The following MPP3 variants were observed in gnomAD, a reference collection of about 807,000 sequenced individuals.
The protein encoded by MPP3 is MAGUK p55 scaffold protein 3.
A neutral mutation model predicts 80.7 loss-of-function variants in MPP3; 48 were observed. That is an observed-to-expected ratio of 0.59 (90% CI 0.47 to 0.76). The LOEUF (loss-of-function observed/expected upper bound fraction) is 0.76. Ranked by LOEUF, MPP3 falls within the 30% of genes least tolerant of loss-of-function variation. The pLI is 0.00. For missense variants in MPP3, 620 were observed against 763.0 expected (o/e 0.81, Z 2.21); for synonymous variants, 311 against 297.6 (o/e 1.04, Z -0.46).
chr17:43,824,120 C>G, intron 9 of MPP3, 115 bp from the exon 10 acceptor site: 1 of 668,108 alleles, frequency 1.5e-6, no homozygotes, highest in Non-Finnish European at 2.5e-6. Flanking sequence ...TGCAGCCTCC[C>G]CTGAGGCCCA....
At position 43,827,811 on chromosome 17, in the gene MPP3, C is replaced by T. The variant is rs780168705; in HGVS notation, c.463G>A (p.Glu155Lys). The T allele has an allele frequency of 5.6e-6, 9 of 1,613,096 alleles. No individual in the cohort carries two copies. The highest frequency in any genetic ancestry group is 1.3e-5 in the African/African-American group (1 of 74,910). ...GCCACCACAACAGCCCCTGAGTGCT[C>T]GTCCCGCCGGATGGTGGCACCCTGA... ...EPLGATIRRD[E>K]HSGAVVVARI... The change falls in exon 8 of 20, where the codon GAG becomes AAG. Residue 155 changes from glutamate to lysine, a missense_variant. Transcript: ENST00000398389.
chr17:43,830,036 C>G lies in MPP3; in HGVS notation c.294G>C (p.Pro98=). The change falls in exon 6 of 20, where the codon CCG becomes CCC. Residue 98 remains proline (P), a synonymous_variant. Coordinates refer to ENST00000398389, the MANE Select transcript of MPP3 (RefSeq NM_001932.6). ...ERELLQLLST[P]HLRAVLMVHD... ...GGCTCTGTGTGACTACCCTCAGGTG[C>G]GGGGTGGACAGCAGCTGGAGCAGCT... The G allele has an allele frequency of 6.3e-7, 1 of 1,598,592 alleles. No individual in the cohort carries two copies. The highest frequency in any genetic ancestry group is 8.5e-7 in the Non-Finnish European group (1 of 1,174,140).
intron 15 of MPP3, 23 bp downstream of exon 15, chr17:43,814,174 T>C: frequency 6.2e-7 from 1 of 1,610,436 alleles, no homozygotes; most frequent in Non-Finnish European, 8.5e-7. Flanking sequence ...GATCACTTCC[T>C]GGAAACCCAG....
intron 10 of MPP3, among the ~76,000 whole-genome samples, chr17:43,822,694 A>AAAAAAAAAAAAAAAAAAAAAAAAAAAAAT: frequency 6.6e-6 from 1 of 150,880 alleles, no homozygotes; most frequent in African/African-American, 2.4e-5. Context: ...AAAAAAAAAA[A>AAAAAAAAAAAAAAAAAAAAAAAAAAAAAT]GAGCTTATTA....
intron 8 of MPP3, among the ~76,000 whole-genome samples, chr17:43,826,243 A>G (rs1664885773): frequency 6.6e-6 from 1 of 152,236 alleles, no homozygotes; most frequent in African/African-American, 2.4e-5. Context: ...AAGTCTTAAC[A>G]AGGAAAGACA....
Position 43,823,912 on chromosome 17 carries a change from C to G in MPP3, c.684+19G>C. Reference sequence around the variant, plus strand: ...TCTCTCAAGCTGAGAGAGGGCACCGCGGACCCACCTCCCCATACCTTGCTC... The same window carrying G: ...TCTCTCAAGCTGAGAGAGGGCACCGGGGACCCACCTCCCCATACCTTGCTC... On this transcript the variant is annotated intron_variant, in intron 10 of 19. Coordinates refer to ENST00000398389, the MANE Select transcript of MPP3 (RefSeq NM_001932.6). 1 of 1,598,632 alleles carries G rather than the reference C, an allele frequency of 6.3e-7. No individual in the cohort carries two copies. The highest frequency in any genetic ancestry group is 8.5e-7 in the Non-Finnish European group (1 of 1,170,906).
rs558285070 is a variant in MPP3, at chr17:43,814,169, C to A, written c.1174+28G>T. ...CTGCTCCAGGGAGGAAACCAGATCACTTCCTGGAAACCCAGGATGGCACCT... is the reference window on the plus strand; with the variant it reads ...CTGCTCCAGGGAGGAAACCAGATCAATTCCTGGAAACCCAGGATGGCACCT... On this transcript the variant is annotated intron_variant, in intron 15 of 19. Transcript: ENST00000398389. 44 of 1,609,908 alleles carry A rather than the reference C, an allele frequency of 2.7e-5. No homozygotes were observed. In the South Asian group the frequency reaches 4.7e-4, roughly 17 times the overall value.
rs1009605406 is a variant in MPP3, at chr17:43,831,781, G to T, written c.25+101C>A. The T allele has an allele frequency of 2.8e-6, 4 of 1,438,368 alleles. No individual in the cohort carries two copies. The African/African-American group carries it at 5.7e-5, about 21-fold the overall frequency. The allele number at this position is 1,438,368 out of a possible 1,614,324, so 89.1% of individuals were successfully genotyped here. On this transcript the variant is annotated intron_variant, in intron 3 of 19. Transcript: ENST00000398389. ...AAACAGCACTTCAGTCCTGCCGTGA[G>T]GACATTCTCTCCCCAGGCTCTCACT...
rs1197815505 is a variant in MPP3, at chr17:43,801,261, G to C, written c.*440C>G. 6.5e-6 allele frequency: 1 copy of C among 153,466 alleles called. No individual in the cohort carries two copies. The highest frequency in any genetic ancestry group is 2.4e-5 in the African/African-American group (1 of 41,452). The allele number at this position is 153,466 out of a possible 1,614,324, so 9.5% of individuals were successfully genotyped here. A position where few individuals can be genotyped will look rare whatever the true frequency, so the allele number is the denominator to read the frequency against. ...ATCAACGTTTTAGTGCTTGAAGACA[G>C]GGGAACTTCAGTTACATGTAAAATC... On this transcript the variant is annotated 3_prime_UTR_variant, in exon 20 of 20. Transcript: ENST00000398389.
rs754764021 is a variant in MPP3, at chr17:43,820,847, A to T, written c.881+15T>A. 1 of 1,613,452 alleles carries T rather than the reference A, an allele frequency of 6.2e-7. No homozygotes were observed. Among genetic ancestry groups the T allele is most frequent in the Non-Finnish European group, 8.5e-7 (1 of 1,179,676 alleles). On this transcript the variant is annotated intron_variant, in intron 11 of 19. Transcript: ENST00000398389. Reference sequence around the variant, plus strand: ...CACTCTGGAACCAGCCCTTCACAACATACCCCAGACCCACCTCTCCTGGAA... The same window carrying T: ...CACTCTGGAACCAGCCCTTCACAACTTACCCCAGACCCACCTCTCCTGGAA...
intron 11 of MPP3, among the ~76,000 whole-genome samples, chr17:43,820,605 T>TACACACAC (rs61249899): frequency 1.4e-4 from 17 of 125,294 alleles, no homozygotes; most frequent in African/African-American, 4.7e-4. Context: ...AAAAAAAAAA[T>TACACACAC]ACACACACAC....
intron 14 of MPP3, chr17:43,815,580 TGA>T (rs1194623449): frequency 6.7e-6 from 2 of 299,632 alleles, no homozygotes; most frequent in East Asian, 1.3e-4. Context: ...CACTCCAGCG[TGA>T]GAGACAGGGC....
chr17:43,808,439 C>T (rs1426396083), intron 19 of MPP3, among the ~76,000 whole-genome samples: 1 of 152,220 alleles, frequency 6.6e-6, no homozygotes. Flanking sequence ...CTGACATAGA[C>T]TGGGCTGAAC....
intron 16 of MPP3, among the ~76,000 whole-genome samples, chr17:43,812,380 C>A (rs1878666194): frequency 6.6e-6 from 1 of 152,150 alleles, no homozygotes; most frequent in Non-Finnish European, 1.5e-5. Context: ...ACCATGTCAT[C>A]CCCCTGCTTA....
intron 19 of MPP3, 119 bp from the exon 20 acceptor site, chr17:43,801,996 T>A: frequency 3.1e-6 from 3 of 983,498 alleles, no homozygotes; most frequent in Non-Finnish European, 2.9e-6. Context: ...GATGACTAGG[T>A]CCCACTGATA....
Position 43,820,990 on chromosome 17 carries a change from G to C in MPP3, c.753C>G (p.Gly251=). The change falls in exon 11 of 20, where the codon GGC becomes GGG. Residue 251 remains glycine, a synonymous_variant. Coordinates refer to ENST00000398389, the MANE Select transcript of MPP3 (RefSeq NM_001932.6). ...EDRAIPCQEA[G]LPFQRRQVLE... ...GGACCTGCCTGCGCTGGAAGGGCAGGCCCGCCTCCTGGCAAGGGATGGCCC... is the reference window on the plus strand; with the variant it reads ...GGACCTGCCTGCGCTGGAAGGGCAGCCCCGCCTCCTGGCAAGGGATGGCCC... The C allele has an allele frequency of 1.2e-6, 2 of 1,612,780 alleles. No homozygotes were observed. Among genetic ancestry groups the C allele is most frequent in the Non-Finnish European group, 1.7e-6 (2 of 1,179,800 alleles).
chr17:43,831,866 G>A lies in MPP3; in HGVS notation c.25+16C>T, dbSNP rs373567341. On this transcript the variant is annotated intron_variant, in intron 3 of 19. Transcript: ENST00000398389. ...CTTCAGGACTGTGGCAGGTCCAGCC[G>A]GGGGGAGGTACTTACCAGAGTCCTC... 1.0e-4 allele frequency: 167 copies of A among 1,595,624 alleles called. No individual in the cohort carries two copies. In the African/African-American group the frequency reaches 1.7e-3, roughly 16 times the overall value.
At chr17:43,830,206 C>T (rs151211490) in intron 5 of MPP3, 99 bp from the exon 6 acceptor site, 1 of 800,120 alleles carries the variant, frequency 1.2e-6, no homozygotes, top group Non-Finnish European at 1.9e-6. Flanking sequence ...AGCTGCAGCC[C>T]CCAGGGGCAC....
In MPP3 at chr17:43,829,744, G is replaced by A. The variant is rs774942065; in HGVS notation, c.351C>T (p.Pro117=). Residue 117 remains proline, a synonymous_variant, in exon 7 of 20, where the codon CCC becomes CCT. Transcript: ENST00000398389. Reference sequence around the variant, plus strand: ...TATTGTCAGGCAGAGGCGGGAGAACGGGGTCAAAATTCTTCTGGGCAACCG... The same window carrying A: ...TATTGTCAGGCAGAGGCGGGAGAACAGGGTCAAAATTCTTCTGGGCAACCG... The part of the protein sequence containing the change: ...HDTVAQKNFD[P]VLPPLPDNID... 38 of 1,614,014 alleles carry A rather than the reference G, an allele frequency of 2.4e-5. No individual in the cohort carries two copies. The highest frequency in any genetic ancestry group is 1.6e-4 in the Middle Eastern group (1 of 6,062).
Sources: allele counts gnomAD v4.1 joint callset (sites outside exome capture counted in the v4.1 genomes callset), GRCh38; gene constraint gnomAD v4.1.1; transcripts MANE v1.5; gene names NCBI Gene and HGNC (gene_info 2026-07-23, HGNC 2026-07-21).